The following PTPRO variants were observed in gnomAD, a reference collection of about 807,000 sequenced individuals.
PTPRO encodes protein tyrosine phosphatase receptor type O.
Under a neutral mutation model 145.2 loss-of-function variants are expected in PTPRO, and 62 were observed. That is an observed-to-expected ratio of 0.43 (90% confidence interval 0.35 to 0.53). The LOEUF is 0.53. PTPRO is among the 20% of genes least tolerant of loss of function. PTPRO has a pLI of 0.01. For synonymous variants in PTPRO, 565 were observed against 514.7 expected (o/e 1.10, Z -1.32); for missense variants, 1,345 against 1,482.7 (o/e 0.91, Z 1.53).
In PTPRO at chr12:15,586,914, T is replaced by C. The variant is rs771689062; in HGVS notation, c.3273T>C (p.Asp1091=). The C allele has an allele frequency of 9.9e-6, 16 of 1,614,070 alleles. No homozygotes were observed. Among genetic ancestry groups the C allele is most frequent in the Non-Finnish European group, 1.4e-5 (16 of 1,179,974 alleles). ...CTCTAAAGGCTGACGAGATGCAGGATGTGATGCATTTTAACTACACTGCAT... is the reference window on the plus strand; with the variant it reads ...CTCTAAAGGCTGACGAGATGCAGGACGTGATGCATTTTAACTACACTGCAT... The part of the protein sequence containing the change: ...FRINYADEMQ[D]VMHFNYTAWP... Residue 1091 remains aspartate, a synonymous_variant, in exon 24 of 27, where the codon GAT becomes GAC. Transcript: ENST00000281171.
At position 15,388,213 on chromosome 12, in the gene PTPRO, A is replaced by G. The variant is rs147841046; in HGVS notation, c.75+65412A>G. Among the ~76,000 whole-genome samples, 127 of 152,344 alleles carry G rather than the reference A, an allele frequency of 8.3e-4. No individual in the cohort carries two copies. The East Asian group carries it at 0.022, about 26-fold the overall frequency. On this transcript the variant is annotated intron_variant, in intron 1 of 26. Transcript: ENST00000281171. Reference sequence around the variant, plus strand: ...AAGGATGATTAATTTCCATCGTGTTAGAATATAACATACGGATTACCCTAG... The same window carrying G: ...AAGGATGATTAATTTCCATCGTGTTGGAATATAACATACGGATTACCCTAG...
chr12:15,399,347 TA>T (rs1318880702), intron 1 of PTPRO, among the ~76,000 whole-genome samples: 1 of 152,148 alleles, frequency 6.6e-6, no homozygotes, highest in Non-Finnish European at 1.5e-5. Context: ...CTGTCACACA[TA>T]AAGAAAGTGA....
chr12:15,513,876 TTTTAA>T (rs1318010888), intron 7 of PTPRO, among the ~76,000 whole-genome samples: 2 of 152,186 alleles, frequency 1.3e-5, no homozygotes, highest in African/African-American at 2.4e-5. Context: ...AAGGTAAGAA[TTTTAA>T]TTAAATTATA....
intron 9 of PTPRO, among the ~76,000 whole-genome samples, chr12:15,517,815 C>T (rs940843001): frequency 6.6e-6 from 1 of 152,218 alleles, no homozygotes; most frequent in African/African-American, 2.4e-5. Flanking sequence ...TAGGCAGTTC[C>T]ACTCCTATGG....
intron 1 of PTPRO, among the ~76,000 whole-genome samples, chr12:15,335,353 G>A (rs986790947): frequency 5.3e-5 from 8 of 151,896 alleles, no homozygotes; most frequent in African/African-American, 1.7e-4. Context: ...TAAACATTGA[G>A]TCATGTGGTC....
chr12:15,482,245 A>G (rs1941794246), intron 1 of PTPRO, among the ~76,000 whole-genome samples: 2 of 152,016 alleles, frequency 1.3e-5, no homozygotes, highest in Non-Finnish European at 2.9e-5. Context: ...GCAACCACAT[A>G]GATGAACCTG....
intron 16 of PTPRO, among the ~76,000 whole-genome samples, chr12:15,558,269 A>C (rs1368951782): frequency 6.6e-6 from 1 of 152,188 alleles, no homozygotes; most frequent in Non-Finnish European, 1.5e-5. Context: ...TCAGTGCCTG[A>C]GGCAATAAGA....
At chr12:15,394,643 G>A (rs1939285607) in intron 1 of PTPRO, among the ~76,000 whole-genome samples, 1 of 152,186 alleles carries the variant, frequency 6.6e-6, no homozygotes, top group Non-Finnish European at 1.5e-5. Flanking sequence ...CTTTTGCCAT[G>A]CAGTACGATT....
At position 15,497,300 on chromosome 12, in the gene PTPRO, A is replaced by G; in HGVS notation, c.405A>G (p.Thr135=). 6.3e-7 allele frequency: 1 copy of G among 1,593,898 alleles called. No individual in the cohort carries two copies. Among genetic ancestry groups the G allele is most frequent in the Non-Finnish European group, 8.6e-7 (1 of 1,161,834 alleles). Residue 135 remains threonine, a synonymous_variant, in exon 3 of 27, where the codon ACA becomes ACG. Transcript: ENST00000281171. ...ATGACTATAAACCTTCTCCTGAAAC[A>G]GGAGTCCTGTTTGAAATACATTATC... ...SIYDYKPSPE[T]GVLFEIHYPE... is the part of the protein sequence containing the mutation.
At chr12:15,582,595 G>A (rs1037111583) in intron 23 of PTPRO, among the ~76,000 whole-genome samples, 1 of 152,188 alleles carries the variant, frequency 6.6e-6, no homozygotes, top group Non-Finnish European at 1.5e-5. Context: ...CATCATTGAG[G>A]ACAGAAGTGT....
rs747379253 is a variant in PTPRO at position 15,552,795 on chromosome 12, C to CTTTTT, written c.2558+1142_2558+1146dup. ...GAAATTACACTCCTTGAGGTCAAATCTTTTTTTTTTTTTTTTTTTTTTGAG... is the reference window on the plus strand; with the variant it reads ...GAAATTACACTCCTTGAGGTCAAATCTTTTTTTTTTTTTTTTTTTTTTTTTTTGAG... On this transcript the variant is annotated intron_variant, in intron 15 of 26. Transcript: ENST00000281171. Among the ~76,000 whole-genome samples the CTTTTT allele has an allele frequency of 6.6e-3, 600 of 91,542 alleles. 14 individuals are homozygous for CTTTTT. The highest frequency in any genetic ancestry group is 7.2e-3 in the Non-Finnish European group (369 of 50,930). 60.1% of individuals were successfully genotyped at this position (91,542 alleles called of 152,430 possible).
intron 22 of PTPRO, 133 bp from the exon 23 acceptor site, chr12:15,581,546 T>G (rs76422581): frequency 1.2e-5 from 12 of 973,854 alleles, no homozygotes; most frequent in African/African-American, 3.7e-5. Flanking sequence ...AGAAATGGTT[T>G]GCTTTATGTT....
intron 1 of PTPRO, among the ~76,000 whole-genome samples, chr12:15,363,876 G>A (rs969106202): frequency 6.6e-6 from 1 of 152,066 alleles, no homozygotes; most frequent in African/African-American, 2.4e-5. Context: ...AACTCCAACA[G>A]TTTCTGTTAT....
chr12:15,391,618 G>A (rs1939191415), intron 1 of PTPRO, among the ~76,000 whole-genome samples: 1 of 152,096 alleles, frequency 6.6e-6, no homozygotes, highest in South Asian at 2.1e-4. Context: ...TAGAAATTAG[G>A]GTCAGTCCCT....
At chr12:15,366,035 T>G (rs1376071003) in intron 1 of PTPRO, among the ~76,000 whole-genome samples, 3 of 152,172 alleles carry the variant, frequency 2.0e-5, no homozygotes, top group African/African-American at 7.2e-5. Context: ...TTTAGTAACT[T>G]GGCAGGACCA....
chr12:15,558,164 G>A (rs928614782), intron 16 of PTPRO, among the ~76,000 whole-genome samples: 4 of 152,034 alleles, frequency 2.6e-5, no homozygotes, highest in Non-Finnish European at 5.9e-5. Flanking sequence ...GAACTCCTGG[G>A]CTGAAGTGAT....
intron 1 of PTPRO, among the ~76,000 whole-genome samples, chr12:15,407,042 T>C (rs532825768): frequency 1.7e-3 from 256 of 152,328 alleles, no homozygotes; most frequent in South Asian, 3.5e-3. Flanking sequence ...TCATTTGTTC[T>C]TTGCAATATT....
intron 1 of PTPRO, among the ~76,000 whole-genome samples, chr12:15,383,529 A>G (rs562184119): frequency 1.3e-5 from 2 of 152,228 alleles, no homozygotes; most frequent in Non-Finnish European, 2.9e-5. Context: ...TTCTAAGCCA[A>G]ATATGAGAAC....
At chr12:15,581,566 C>T (rs1280049849) in intron 22 of PTPRO, 113 bp from the exon 23 acceptor site, 7 of 1,284,874 alleles carry the variant, frequency 5.4e-6, no homozygotes, top group Non-Finnish European at 7.8e-6. Flanking sequence ...TTCATCTTCA[C>T]CACGGTCCTA....
Sources: allele counts gnomAD v4.1 joint callset (sites outside exome capture counted in the v4.1 genomes callset), GRCh38; gene constraint gnomAD v4.1.1; transcripts MANE v1.5; gene names NCBI Gene and HGNC (gene_info 2026-07-23, HGNC 2026-07-21).